THSD7B: variants seen among roughly 807,000 people sequenced by gnomAD.
THSD7B encodes thrombospondin type 1 domain containing 7B.
THSD7B carries 138 observed loss-of-function variants against 213.6 expected under a neutral mutation model. That is an observed-to-expected ratio of 0.65 (90% CI 0.56 to 0.74). The LOEUF is 0.74. Among genes scored for constraint, THSD7B ranks in the 30% least tolerant of loss-of-function variants. The pLI is 0.00. For synonymous variants in THSD7B, 742 were observed against 687.0 expected (o/e 1.08, Z -1.25); for missense variants, 1,931 against 1,991.5 (o/e 0.97, Z 0.58).
At chr2:137,425,139 C>T (rs984121696) in intron 14 of THSD7B, among the ~76,000 whole-genome samples, 6 of 150,592 alleles carry the variant, frequency 4.0e-5, no homozygotes, top group African/African-American at 1.5e-4. Context: ...AAATAGAAAC[C>T]ATATTCTATA....
chr2:136,825,157 T>C (rs990800155), intron 1 of THSD7B, among the ~76,000 whole-genome samples: 2 of 152,166 alleles, frequency 1.3e-5, no homozygotes, highest in African/African-American at 2.4e-5. Flanking sequence ...AAGAGAACAA[T>C]GAAAAGAAAA....
At position 137,293,609 on chromosome 2, in the gene THSD7B, A is replaced by G. The variant is rs544849354; in HGVS notation, c.2500+17583A>G. 5.9e-5 allele frequency among the ~76,000 whole-genome samples: 9 copies of G among 152,164 alleles called. No homozygotes were observed. In the East Asian group the frequency reaches 1.5e-3, roughly 26 times the overall value. On this transcript the variant is annotated intron_variant, in intron 12 of 27. Coordinates refer to ENST00000409968, the MANE Select transcript of THSD7B (RefSeq NM_001316349.2). ...TTAAAACTTTAACTGATGTACCTCA[A>G]TATTCCCAACTTGTTATTCCAATAT...
intron 6 of THSD7B, among the ~76,000 whole-genome samples, chr2:137,169,539 T>C (rs950982495): frequency 6.6e-6 from 1 of 152,150 alleles, no homozygotes; most frequent in African/African-American, 2.4e-5. Flanking sequence ...ACTCTGGGAA[T>C]TGAATGTTCT....
intron 2 of THSD7B, among the ~76,000 whole-genome samples, chr2:136,954,122 T>C (rs1685084072): frequency 6.6e-6 from 1 of 152,174 alleles, no homozygotes; most frequent in South Asian, 2.1e-4. Context: ...TTTGCAATAA[T>C]CGGTTGTTTT....
intron 12 of THSD7B, among the ~76,000 whole-genome samples, chr2:137,367,937 G>T (rs1435985365): frequency 6.6e-6 from 1 of 152,046 alleles, no homozygotes; most frequent in East Asian, 1.9e-4. Context: ...CGTCACTTGG[G>T]GTTTAGGGAT....
chr2:137,046,586 TG>T (rs769447206), intron 2 of THSD7B, among the ~76,000 whole-genome samples: 41 of 151,936 alleles, frequency 2.7e-4, no homozygotes, highest in Non-Finnish European at 5.2e-4. Flanking sequence ...AAAAATTAGC[TG>T]GGCATGGTGG....
chr2:136,845,650 G>A (rs746458349), intron 1 of THSD7B, among the ~76,000 whole-genome samples: 1 of 152,120 alleles, frequency 6.6e-6, no homozygotes, highest in Non-Finnish European at 1.5e-5. Context: ...CATCAGAAAG[G>A]CACTGTTATG....
chr2:137,347,131 G>A (rs549110594), intron 12 of THSD7B, among the ~76,000 whole-genome samples: 7 of 151,412 alleles, frequency 4.6e-5, no homozygotes, highest in Non-Finnish European at 1.0e-4. Context: ...TCCTTTTACA[G>A]AAAAAAGTCC....
chr2:137,318,904 C>T (rs1372963491), intron 12 of THSD7B, among the ~76,000 whole-genome samples: 1 of 141,678 alleles, frequency 7.1e-6, no homozygotes, highest in East Asian at 2.2e-4. Context: ...AAGTGATTCT[C>T]CTGCCTCAGC....
intron 12 of THSD7B, among the ~76,000 whole-genome samples, chr2:137,334,269 G>A (rs1558761604): frequency 6.6e-6 from 1 of 151,976 alleles, no homozygotes. Context: ...GAAAGAAGGA[G>A]AGAAGTACAT....
chr2:137,625,077 A>G (rs1334600407), intron 20 of THSD7B, among the ~76,000 whole-genome samples: 2 of 152,128 alleles, frequency 1.3e-5, no homozygotes, highest in African/African-American at 2.4e-5. Flanking sequence ...AACCAACCCA[A>G]ATGTCCATCA....
intron 2 of THSD7B, among the ~76,000 whole-genome samples, chr2:137,039,623 GT>G (rs1686842872): frequency 6.6e-6 from 1 of 152,170 alleles, no homozygotes; most frequent in Non-Finnish European, 1.5e-5. Flanking sequence ...CCCTCCATGT[GT>G]TAGGAGCGTC....
intron 12 of THSD7B, among the ~76,000 whole-genome samples, chr2:137,350,238 A>T (rs1364297633): frequency 6.6e-6 from 1 of 151,878 alleles, no homozygotes; most frequent in Non-Finnish European, 1.5e-5. Context: ...TACAATAAAT[A>T]AGTCTAATAA....
intron 6 of THSD7B, among the ~76,000 whole-genome samples, chr2:137,170,277 A>G (rs537584847): frequency 8.5e-5 from 13 of 152,194 alleles, no homozygotes; most frequent in South Asian, 6.2e-4. Flanking sequence ...CATGATGCAG[A>G]TAAATCTCGG....
intron 7 of THSD7B, among the ~76,000 whole-genome samples, chr2:137,188,373 T>C (rs1376228940): frequency 6.6e-6 from 1 of 152,200 alleles, no homozygotes; most frequent in Non-Finnish European, 1.5e-5. Flanking sequence ...GTAGATACTC[T>C]ATCTGGAAGT....
chr2:137,561,209 T>C (rs886218826), intron 15 of THSD7B, among the ~76,000 whole-genome samples: 4 of 152,100 alleles, frequency 2.6e-5, no homozygotes, highest in Non-Finnish European at 5.9e-5. Context: ...GCATAAAGAA[T>C]ATAAGCAAGA....
chr2:137,538,994 C>T (rs1445906539), intron 15 of THSD7B, among the ~76,000 whole-genome samples: 1 of 151,660 alleles, frequency 6.6e-6, no homozygotes, highest in African/African-American at 2.4e-5. Context: ...AATGGTGTTT[C>T]TCTTTTTCTC....
chr2:137,512,391 T>C (rs1679980710), intron 15 of THSD7B, among the ~76,000 whole-genome samples: 1 of 65,510 alleles, frequency 1.5e-5, no homozygotes, highest in Non-Finnish European at 5.1e-5. Flanking sequence ...CCTTTTTTTT[T>C]TTTTTTTTTT....
intron 5 of THSD7B, among the ~76,000 whole-genome samples, chr2:137,122,874 C>T (rs760879079): frequency 2.0e-5 from 3 of 152,110 alleles, no homozygotes; most frequent in Non-Finnish European, 2.9e-5. Flanking sequence ...ACACAGGTAC[C>T]TCTGCTCCTC....
Sources: allele counts gnomAD v4.1 joint callset (sites outside exome capture counted in the v4.1 genomes callset), GRCh38; gene constraint gnomAD v4.1.1; transcripts MANE v1.5; gene names NCBI Gene and HGNC (gene_info 2026-07-23, HGNC 2026-07-21).